XKR4: variants seen among roughly 807,000 people sequenced by gnomAD.
XKR4 encodes the protein XK related 4, also known as XK-related protein 4.
Under a neutral mutation model 53.9 loss-of-function variants are expected in XKR4, and 12 were observed. The observed-to-expected ratio is 0.22, with a 90% CI of 0.14 to 0.36. XKR4 has a LOEUF of 0.36. Ranked by LOEUF, XKR4 falls within the 10% of genes least tolerant of loss-of-function variation. The pLI is 1.00. For missense variants in XKR4, 799 were observed against 859.5 expected (o/e 0.93, Z 0.88); for synonymous variants, 354 against 362.4 (o/e 0.98, Z 0.26).
intron 2 of XKR4, among the ~76,000 whole-genome samples, chr8:55,463,874 A>G (rs1805706673): frequency 1.3e-5 from 2 of 152,166 alleles, no homozygotes; most frequent in Admixed American, 6.5e-5. Context: ...TAGAAAATCT[A>G]GAAGAAATGG....
At chr8:55,111,919 A>T (rs7837011) in intron 1 of XKR4, among the ~76,000 whole-genome samples, 5,965 of 152,262 alleles carry the variant, frequency 0.039, 210 homozygotes, top group African/African-American at 0.092. Flanking sequence ...AATTGGATTT[A>T]AAACAAAGAT....
intron 2 of XKR4, among the ~76,000 whole-genome samples, chr8:55,383,777 A>C (rs1292215279): frequency 6.6e-6 from 1 of 152,100 alleles, no homozygotes; most frequent in Non-Finnish European, 1.5e-5. Context: ...TTATTATCCC[A>C]ATGTCACTTA....
At chr8:55,358,058 A>G (rs1803845714) in intron 2 of XKR4, among the ~76,000 whole-genome samples, 181 bp downstream of exon 2, 1 of 152,176 alleles carries the variant, frequency 6.6e-6, no homozygotes, top group Admixed American at 6.5e-5. Context: ...TGACTGATTA[A>G]TTGAAAGACA....
chr8:55,289,597 GAAAGAA>G (rs1370217453), intron 1 of XKR4, among the ~76,000 whole-genome samples: 49 of 68,860 alleles, frequency 7.1e-4, no homozygotes, highest in Non-Finnish European at 1.1e-3. Context: ...GAAAGAGAAA[GAAAGAA>G]AGAAAGAAAG....
intron 1 of XKR4, among the ~76,000 whole-genome samples, chr8:55,289,856 G>GAAAGAA (rs1818991656): frequency 8.2e-5 from 1 of 12,200 alleles, no homozygotes; most frequent in African/African-American, 1.0e-4. Context: ...AAGAAGGAAA[G>GAAAGAA]AAAGAAAGAA....
chr8:55,451,749 C>G (rs1563353885), intron 2 of XKR4: 2 of 1,172,298 alleles, frequency 1.7e-6, no homozygotes, highest in Non-Finnish European at 2.5e-6. Context: ...CAGACTTGGC[C>G]CGGCTCAGGC....
chr8:55,300,834 G>T (rs1333006772), intron 1 of XKR4, among the ~76,000 whole-genome samples: 1 of 152,110 alleles, frequency 6.6e-6, no homozygotes, highest in African/African-American at 2.4e-5. Context: ...TGGGTTTTCA[G>T]AAGGCAGCTT....
intron 2 of XKR4, chr8:55,450,642 A>G (rs996315109): frequency 3.2e-6 from 2 of 630,166 alleles, no homozygotes; most frequent in Non-Finnish European, 3.0e-6. Context: ...CAGTCCAAGA[A>G]CTACAGGAAG....
chr8:55,148,591 A>G lies in XKR4; in HGVS notation c.806+45297A>G, dbSNP rs572924715. Among the ~76,000 whole-genome samples the G allele has an allele frequency of 1.3e-5, 2 of 152,278 alleles. 1 individual carries two copies. Among genetic ancestry groups the G allele is most frequent in the Middle Eastern group, 6.8e-3 (2 of 294 alleles). Reference sequence around the variant, plus strand: ...AATGTAAAATGCATGTCAGAGCATGAGGTATTTAAATTCTGGCCTCTTTAT... The same window carrying G: ...AATGTAAAATGCATGTCAGAGCATGGGGTATTTAAATTCTGGCCTCTTTAT... On this transcript the variant is annotated intron_variant, in intron 1 of 2. Transcript: ENST00000327381.
At chr8:55,258,976 A>G (rs995444120) in intron 1 of XKR4, among the ~76,000 whole-genome samples, 1 of 152,198 alleles carries the variant, frequency 6.6e-6, no homozygotes, top group Non-Finnish European at 1.5e-5. Context: ...CTTCATCACA[A>G]GAGACTGAAT....
intron 1 of XKR4, among the ~76,000 whole-genome samples, chr8:55,166,260 G>A (rs1200509096): frequency 6.6e-6 from 1 of 152,160 alleles, no homozygotes. Context: ...GATGCACAGC[G>A]ACTCTGATAA....
chr8:55,292,741 A>G (rs184354012), intron 1 of XKR4, among the ~76,000 whole-genome samples: 27 of 150,048 alleles, frequency 1.8e-4, no homozygotes, highest in African/African-American at 6.1e-4. Context: ...TTAATTTGAG[A>G]CTCTTCTTTT....
chr8:55,116,882 A>G (rs1013832061), intron 1 of XKR4, among the ~76,000 whole-genome samples: 3 of 152,084 alleles, frequency 2.0e-5, no homozygotes, highest in African/African-American at 4.8e-5. Flanking sequence ...ATGGCTTTCC[A>G]TATGCTTGCT....
At chr8:55,454,112 G>A in intron 2 of XKR4, 2 of 834,124 alleles carry the variant, frequency 2.4e-6, no homozygotes, top group Admixed American at 1.7e-5. Flanking sequence ...CGTCATGGGT[G>A]GAGGGAAGGC....
chr8:55,211,289 A>T (rs1817726345), intron 1 of XKR4, among the ~76,000 whole-genome samples: 1 of 152,214 alleles, frequency 6.6e-6, no homozygotes, highest in African/African-American at 2.4e-5. Context: ...AGCTTTAAGT[A>T]TTGCCATTTT....
chr8:55,219,903 C>T (rs887684605), intron 1 of XKR4, among the ~76,000 whole-genome samples: 11 of 152,118 alleles, frequency 7.2e-5, no homozygotes, highest in African/African-American at 2.7e-4. Context: ...CATATATATA[C>T]TCCAAAAATT....
At chr8:55,463,324 C>T (rs537088877) in intron 2 of XKR4, among the ~76,000 whole-genome samples, 35 of 152,224 alleles carry the variant, frequency 2.3e-4, no homozygotes, top group Non-Finnish European at 4.0e-4. Flanking sequence ...AAGAAACTCA[C>T]TCAAAACTGC....
chr8:55,173,431 A>T (rs1033592405), intron 1 of XKR4, among the ~76,000 whole-genome samples: 2 of 152,196 alleles, frequency 1.3e-5, no homozygotes, highest in Non-Finnish European at 2.9e-5. Flanking sequence ...TATTTTAAAA[A>T]TGTTTCTTTA....
chr8:55,402,420 A>T (rs1296078328), intron 2 of XKR4, among the ~76,000 whole-genome samples: 2 of 152,206 alleles, frequency 1.3e-5, no homozygotes, highest in East Asian at 3.8e-4. Flanking sequence ...CTTCAAGGAC[A>T]AGATACCTTC....
Sources: allele counts gnomAD v4.1 joint callset (sites outside exome capture counted in the v4.1 genomes callset), GRCh38; gene constraint gnomAD v4.1.1; transcripts MANE v1.5; gene names NCBI Gene and HGNC (gene_info 2026-07-23, HGNC 2026-07-21).